CIRSR: variants seen among roughly 807,000 people sequenced by gnomAD.
CIRSR encodes CBF1 (RBPJ) interacting corepressor 1.
At chr2:174,380,132 T>C in the CIRSR span, 1 of 1,100,780 alleles carries the variant, frequency 9.1e-7, no homozygotes, top group Non-Finnish European at 1.3e-6. Context: ...AAACACCTTT[T>C]AGACAACAAT....
the CIRSR span, among the ~76,000 whole-genome samples, chr2:174,383,382 T>A: frequency 6.6e-6 from 1 of 152,048 alleles, no homozygotes; most frequent in African/African-American, 2.4e-5. Context: ...CAACAAACAC[T>A]TTAAACAGGT....
chr2:174,382,392 A>T, the CIRSR span, among the ~76,000 whole-genome samples: 5 of 152,184 alleles, frequency 3.3e-5, no homozygotes, highest in East Asian at 9.6e-4. Context: ...TAATCCCAGC[A>T]CGCTGGGAGG....
At chr2:174,385,338 T>C in the CIRSR span, among the ~76,000 whole-genome samples, 4 of 146,486 alleles carry the variant, frequency 2.7e-5, no homozygotes, top group African/African-American at 5.1e-5. Flanking sequence ...AGAGAAACAA[T>C]AGATTACTGA....
chr2:174,376,351 T>G, the CIRSR span, among the ~76,000 whole-genome samples: 1 of 152,200 alleles, frequency 6.6e-6, no homozygotes, highest in African/African-American at 2.4e-5. Flanking sequence ...AACCAAATAC[T>G]TGAGCATTTT....
At chr2:174,387,925 C>T in the CIRSR span, 22 of 574,070 alleles carry the variant, frequency 3.8e-5, no homozygotes, top group Admixed American at 8.2e-4. Flanking sequence ...AGAAAACACA[C>T]TAATACACAG....
the CIRSR span, among the ~76,000 whole-genome samples, chr2:174,377,285 A>C: frequency 1.3e-5 from 2 of 152,158 alleles, no homozygotes; most frequent in African/African-American, 4.8e-5. Context: ...TATAACACAC[A>C]CCACTCCATT....
the CIRSR span, among the ~76,000 whole-genome samples, chr2:174,389,276 T>C: frequency 2.6e-5 from 4 of 152,178 alleles, no homozygotes; most frequent in African/African-American, 9.7e-5. Context: ...TCCTAGAGAC[T>C]TGTTGAATGG....
chr2:174,387,754 G>T, the CIRSR span: 1 of 1,596,008 alleles, frequency 6.3e-7, no homozygotes, highest in African/African-American at 1.3e-5. Flanking sequence ...CTTATCATAT[G>T]ATATTTTCTG....
the CIRSR span, among the ~76,000 whole-genome samples, chr2:174,385,270 G>C: frequency 7.2e-6 from 1 of 138,370 alleles, no homozygotes; most frequent in African/African-American, 2.7e-5. Flanking sequence ...AAAGTATAAA[G>C]CGACTAAGGT....
the CIRSR span, chr2:174,351,763 ATC>A: frequency 6.4e-7 from 1 of 1,552,854 alleles, no homozygotes; most frequent in Non-Finnish European, 8.8e-7. Flanking sequence ...TATCATTTAT[ATC>A]TCTCTACCTT....
chr2:174,388,072 G>A, the CIRSR span, among the ~76,000 whole-genome samples: 210 of 152,292 alleles, frequency 1.4e-3, no homozygotes, highest in Non-Finnish European at 2.1e-3. Flanking sequence ...ATTCAAAGCC[G>A]TCCTGGGCCA....
At chr2:174,381,696 A>G in the CIRSR span, 2 of 1,573,014 alleles carry the variant, frequency 1.3e-6, no homozygotes, top group Non-Finnish European at 8.6e-7. Flanking sequence ...ACGGAAGAAG[A>G]TAAGTACCTT....
At chr2:174,388,010 CA>C in the CIRSR span, among the ~76,000 whole-genome samples, 3 of 151,912 alleles carry the variant, frequency 2.0e-5, no homozygotes, top group East Asian at 5.8e-4. Flanking sequence ...AAGAAAAGGG[CA>C]AAAAAATCTC....
the CIRSR span, among the ~76,000 whole-genome samples, chr2:174,368,605 G>C: frequency 6.6e-6 from 1 of 152,206 alleles, no homozygotes; most frequent in East Asian, 1.9e-4. Context: ...GACTGCTTGA[G>C]CCCAGGAGTT....
At chr2:174,351,490 G>C in the CIRSR span, 4 of 591,300 alleles carry the variant, frequency 6.8e-6, 1 homozygote, top group Non-Finnish European at 5.7e-6. Flanking sequence ...AACACATTTT[G>C]GGCATTTTCT....
chr2:174,377,720 G>T, the CIRSR span, among the ~76,000 whole-genome samples: 1 of 150,932 alleles, frequency 6.6e-6, no homozygotes, highest in Non-Finnish European at 1.5e-5. Context: ...AGCTACTCGG[G>T]GGGCTGAGGT....
At chr2:174,389,599 G>A in the CIRSR span, among the ~76,000 whole-genome samples, 6 of 152,112 alleles carry the variant, frequency 3.9e-5, no homozygotes, top group Admixed American at 6.5e-5. Flanking sequence ...AATTCAAGCC[G>A]GCTGCAGAAA....
chr2:174,382,671 C>T, the CIRSR span, among the ~76,000 whole-genome samples: 1 of 151,924 alleles, frequency 6.6e-6, no homozygotes, highest in African/African-American at 2.4e-5. Flanking sequence ...TCTACACATG[C>T]CAAGTAGTAT....
chr2:174,351,867 A>G, the CIRSR span: 1 of 520,352 alleles, frequency 1.9e-6, no homozygotes, highest in Non-Finnish European at 3.3e-6. Flanking sequence ...GCAAATAATC[A>G]GATATGATTT....
Sources: gnomAD v4.1 joint callset for allele counts (sites outside exome capture counted in the v4.1 genomes callset) on GRCh38, gnomAD v4.1.1 for gene constraint, MANE v1.5 for transcripts, NCBI Gene and HGNC (gene_info 2026-07-23, HGNC 2026-07-21) for gene names.